The following PRUNE2 variants were observed in gnomAD, a reference collection of about 807,000 sequenced individuals.
The protein encoded by PRUNE2 is protein prune homolog 2.
In PRUNE2, 164 loss-of-function variants were observed where a neutral mutation model predicts 252.0. That is an observed-to-expected ratio of 0.65 (90% CI 0.57 to 0.74). The LOEUF (loss-of-function observed/expected upper bound fraction) is 0.74, where lower values mean the gene tolerates loss of function less well. Among genes scored for constraint, PRUNE2 ranks in the 30% least tolerant of loss-of-function variants. The pLI is 0.00. For missense variants in PRUNE2, 3,495 were observed against 3,711.0 expected (o/e 0.94, Z 1.51); for synonymous variants, 1,292 against 1,350.2 (o/e 0.96, Z 0.94).
chr9:76,707,454 A>G lies in PRUNE2; in HGVS notation c.4820T>C (p.Ile1607Thr). The G allele has an allele frequency of 3.1e-6, 5 of 1,613,798 alleles. No homozygotes were observed. Among genetic ancestry groups the G allele is most frequent in the South Asian group, 1.1e-5 (1 of 91,078 alleles). ...ATCAAAGCTCTTTTCAAACTCATTT[A>G]TTCTGTTTTTCTCTAAATCCTTCAC... ...TKVKDLEKNR[I>T]NEFEKSFDRK... The change falls in exon 8 of 19, where the codon ATA (isoleucine) becomes ACA (threonine). Residue 1607 changes from isoleucine (I) to threonine (T), a missense_variant. Transcript: ENST00000376718.
At chr9:76,900,444 G>T (rs979073005) in intron 1 of PRUNE2, among the ~76,000 whole-genome samples, 2 of 152,132 alleles carry the variant, frequency 1.3e-5, no homozygotes, top group Non-Finnish European at 2.9e-5. Context: ...CAAAGCCACA[G>T]GGCTCAGAAA....
intron 5 of PRUNE2, 78 bp from the exon 6 acceptor site, chr9:76,823,804 G>C: frequency 3.7e-6 from 3 of 816,186 alleles, no homozygotes. Flanking sequence ...ATGTTTTGAA[G>C]AATTTACTCT....
chr9:76,725,085 C>A (rs969474387), intron 6 of PRUNE2, among the ~76,000 whole-genome samples: 2 of 152,160 alleles, frequency 1.3e-5, no homozygotes, highest in African/African-American at 4.8e-5. Flanking sequence ...AGCCTGAACA[C>A]TGACAGCTTT....
chr9:76,709,806 C>T lies in PRUNE2; in HGVS notation c.2468G>A (p.Ser823Asn), dbSNP rs755998739. The T allele has an allele frequency of 6.2e-7, 1 of 1,613,916 alleles. No individual in the cohort carries two copies. The highest frequency in any genetic ancestry group is 8.5e-7 in the Non-Finnish European group (1 of 1,179,848). Reference protein sequence around the residue: ...KNTWNLHPTSSKTPSVRDPNE... With the variant: ...KNTWNLHPTSNKTPSVRDPNE... Reference sequence around the variant, plus strand: ...CGGGTCCCTAACAGAAGGTGTCTTGCTGCTTGTTGGGTGCAAATTCCAGGT... The same window carrying T: ...CGGGTCCCTAACAGAAGGTGTCTTGTTGCTTGTTGGGTGCAAATTCCAGGT... The change falls in exon 8 of 19, where the codon AGC (serine) becomes AAC (asparagine). Residue 823 changes from serine to asparagine, a missense_variant. Coordinates refer to ENST00000376718, the MANE Select transcript of PRUNE2 (RefSeq NM_015225.3).
intron 16 of PRUNE2, among the ~76,000 whole-genome samples, chr9:76,625,748 T>C (rs67114445): frequency 0.11 from 16,607 of 152,226 alleles, 990 homozygotes; most frequent in African/African-American, 0.12. Context: ...TGTTGCCACC[T>C]GGCAATGTGT....
chr9:76,713,680 T>C lies in PRUNE2; in HGVS notation c.798A>G (p.Ala266=). 1 of 1,600,372 alleles carries C rather than the reference T, an allele frequency of 6.2e-7. No individual in the cohort carries two copies. Among genetic ancestry groups the C allele is most frequent in the Non-Finnish European group, 8.5e-7 (1 of 1,172,820 alleles). ...CATCAAAACCAAACTTGTCTGTAAA[T>C]GCTTTCAAGTCACTGGTAATATTGC... ...FHSNITSDLK[A]FTDKFGFDVL... is the part of the protein sequence containing the mutation. Residue 266 remains alanine, a synonymous_variant, in exon 7 of 19, where the codon GCA becomes GCG. Transcript: ENST00000376718.
chr9:76,652,744 A>C, intron 10 of PRUNE2, 61 bp from the exon 11 acceptor site: 1 of 1,248,392 alleles, frequency 8.0e-7, no homozygotes, highest in South Asian at 1.3e-5. Context: ...CTAAATCAAA[A>C]ATTTCAAAAT....
intron 12 of PRUNE2, chr9:76,642,015 A>AG: frequency 7.4e-7 from 1 of 1,345,158 alleles, no homozygotes; most frequent in Non-Finnish European, 1.0e-6. Flanking sequence ...AAAAAAAAAA[A>AG]AAGAAAAGAA....
At chr9:76,760,406 G>C (rs1175611380) in intron 6 of PRUNE2, among the ~76,000 whole-genome samples, 2 of 152,042 alleles carry the variant, frequency 1.3e-5, no homozygotes, top group Non-Finnish European at 2.9e-5. Flanking sequence ...TGATATCACT[G>C]CTCCCCCATA....
chr9:76,855,082 A>AATATATATAT lies in PRUNE2; in HGVS notation c.37-884_37-875dup, dbSNP rs1162386020. On this transcript the variant is annotated intron_variant, in intron 1 of 18. Transcript: ENST00000376718. ...TCCATCTCAAAAAAAAAAAAAAAAA[A>AATATATATAT]ATATATATATATATATATATAGTCA... Among the ~76,000 whole-genome samples the AATATATATAT allele has an allele frequency of 7.2e-4, 79 of 109,396 alleles. 1 individual carries two copies. Among genetic ancestry groups the AATATATATAT allele is most frequent in the African/African-American group, 2.7e-3 (69 of 25,956 alleles). The allele number at this position is 109,396 out of a possible 152,430, so 71.8% of individuals were successfully genotyped here. A position where few individuals can be genotyped will look rare whatever the true frequency, so the allele number is the denominator to read the frequency against.
intron 6 of PRUNE2, among the ~76,000 whole-genome samples, chr9:76,723,703 T>G (rs1175658330): frequency 6.6e-6 from 1 of 152,174 alleles, no homozygotes; most frequent in African/African-American, 2.4e-5. Context: ...TCTTTTGAGT[T>G]GAAGAATTCA....
intron 4 of PRUNE2, among the ~76,000 whole-genome samples, chr9:76,832,080 G>T (rs753402203): frequency 5.9e-5 from 9 of 152,076 alleles, no homozygotes; most frequent in Non-Finnish European, 1.2e-4. Flanking sequence ...TTCTAAATTT[G>T]TATGCACTAA....
In PRUNE2 at chr9:76,875,615, T is replaced by C. The variant is rs575514769; in HGVS notation, c.37-21407A>G. On this transcript the variant is annotated intron_variant, in intron 1 of 18. Transcript: ENST00000376718. ...TCCTGACCTTGTGATCTGCCCGCCT[T>C]GGCCTCCCAAAGTGCTGGGATTACA... 1.3e-3 allele frequency among the ~76,000 whole-genome samples: 201 copies of C among 152,264 alleles called. 1 individual carries two copies. The highest frequency in any genetic ancestry group is 4.1e-3 in the African/African-American group (171 of 41,576).
At chr9:76,749,224 G>A (rs572488463) in intron 6 of PRUNE2, among the ~76,000 whole-genome samples, 75 of 152,272 alleles carry the variant, frequency 4.9e-4, no homozygotes, top group African/African-American at 1.7e-3. Context: ...CCATCAGCTG[G>A]TACAAAGACC....
intron 6 of PRUNE2, among the ~76,000 whole-genome samples, chr9:76,733,230 ATCT>A (rs1412383404): frequency 2.6e-5 from 4 of 152,208 alleles, no homozygotes; most frequent in Non-Finnish European, 4.4e-5. Context: ...AGATGGCAAC[ATCT>A]TCATGGACTG....
At position 76,734,650 on chromosome 9, in the gene PRUNE2, A is replaced by C. The variant is rs534286942; in HGVS notation, c.757-20929T>G. ...AGTTCAGATTGTCACAGACATAAGCATTTTTGTCTGTCATCCCTTCTTTTG... is the reference window on the plus strand; with the variant it reads ...AGTTCAGATTGTCACAGACATAAGCCTTTTTGTCTGTCATCCCTTCTTTTG... On this transcript the variant is annotated intron_variant, in intron 6 of 18. Transcript: ENST00000376718. Among the ~76,000 whole-genome samples, 16 of 152,310 alleles carry C rather than the reference A, an allele frequency of 1.1e-4. No individual in the cohort carries two copies. In the South Asian group the frequency reaches 3.1e-3, roughly 30 times the overall value.
At chr9:76,870,298 G>C (rs2061110202) in intron 1 of PRUNE2, among the ~76,000 whole-genome samples, 1 of 150,684 alleles carries the variant, frequency 6.6e-6, no homozygotes, top group Non-Finnish European at 1.5e-5. Flanking sequence ...TTGCAACAAG[G>C]AGTAACTTTT....
At chr9:76,901,013 G>A (rs1416658143) in intron 1 of PRUNE2, among the ~76,000 whole-genome samples, 3 of 152,124 alleles carry the variant, frequency 2.0e-5, no homozygotes, top group African/African-American at 7.2e-5. Context: ...CTGCCTAAAG[G>A]GTGACCTTGC....
At chr9:76,839,392 A>G (rs2059255269) in intron 4 of PRUNE2, among the ~76,000 whole-genome samples, 1 of 152,192 alleles carries the variant, frequency 6.6e-6, no homozygotes, top group African/African-American at 2.4e-5. Flanking sequence ...AGGCAGAAAG[A>G]GAGATGACGA....
Sources: gnomAD v4.1 joint callset for allele counts (sites outside exome capture counted in the v4.1 genomes callset) on GRCh38, gnomAD v4.1.1 for gene constraint, MANE v1.5 for transcripts, NCBI Gene and HGNC (gene_info 2026-07-23, HGNC 2026-07-21) for gene names.